Variants in CNTN4 observed in about 807,000 individuals in gnomAD.
CNTN4 encodes contactin-4.
In CNTN4, 77 loss-of-function variants were observed where a neutral mutation model predicts 122.5. The ratio of observed to expected loss-of-function variants is 0.63; its 90% confidence interval spans 0.52 to 0.76. The LOEUF is 0.76. Ranked by LOEUF, CNTN4 falls within the 30% of genes least tolerant of loss-of-function variation. The probability of loss-of-function intolerance (pLI) is 0.00; values close to 1 mark genes in which losing one functional copy is unlikely to be tolerated. For missense variants in CNTN4, 1,256 were observed against 1,259.1 expected (o/e 1.00, Z 0.04); for synonymous variants, 512 against 447.0 (o/e 1.15, Z -1.83).
rs1428915081 is a variant in CNTN4 at position 2,764,576 on chromosome 3, A to G, written c.358+18879A>G. On this transcript the variant is annotated intron_variant, in intron 6 of 24. Transcript: ENST00000418658. ...TGTCCTGCATTTTAGCTCAAGATTT[A>G]CTGAGGCCACTATGCTTAAGCGTGT... is the stretch of plus-strand genomic sequence containing the variant. Among the ~76,000 whole-genome samples, 5 of 152,170 alleles carry G rather than the reference A, an allele frequency of 3.3e-5. No individual in the cohort carries two copies. In the East Asian group the frequency reaches 9.7e-4, roughly 29 times the overall value.
chr3:2,198,099 C>G (rs978204993), intron 2 of CNTN4, among the ~76,000 whole-genome samples: 1 of 151,602 alleles, frequency 6.6e-6, no homozygotes, highest in Non-Finnish European at 1.5e-5. Flanking sequence ...GCAGATATTT[C>G]AGTTTCAGCA....
intron 2 of CNTN4, among the ~76,000 whole-genome samples, chr3:2,338,517 C>T (rs748907747): frequency 1.6e-4 from 24 of 151,800 alleles, no homozygotes; most frequent in Non-Finnish European, 2.7e-4. Flanking sequence ...TGATCTATAG[C>T]AGAAACTTGG....
chr3:2,777,831 T>C (rs1407503804), intron 6 of CNTN4, among the ~76,000 whole-genome samples: 2 of 152,174 alleles, frequency 1.3e-5, no homozygotes, highest in Admixed American at 1.3e-4. Context: ...TTAAAAGATA[T>C]ATTTCTCTTT....
At chr3:2,559,860 A>G (rs550589541) in intron 3 of CNTN4, among the ~76,000 whole-genome samples, 1 of 152,334 alleles carries the variant, frequency 6.6e-6, no homozygotes, top group East Asian at 1.9e-4. Context: ...TAAACCTAGA[A>G]AATGAAGAAG....
intron 3 of CNTN4, among the ~76,000 whole-genome samples, chr3:2,366,616 A>G (rs1225900353): frequency 6.6e-6 from 1 of 151,878 alleles, no homozygotes; most frequent in Non-Finnish European, 1.5e-5. Flanking sequence ...AGTCCCAGCT[A>G]CTCGGGAAAC....
intron 2 of CNTN4, among the ~76,000 whole-genome samples, chr3:2,171,691 T>C (rs1248619457): frequency 6.6e-6 from 1 of 152,224 alleles, no homozygotes; most frequent in Non-Finnish European, 1.5e-5. Context: ...GTACACTCAC[T>C]GTTAGACTCT....
chr3:2,708,720 G>A (rs939928515), intron 4 of CNTN4, among the ~76,000 whole-genome samples: 4 of 138,930 alleles, frequency 2.9e-5, no homozygotes, highest in South Asian at 2.3e-4. Context: ...GCACGCGCAC[G>A]CGCGCATCAC....
At chr3:2,697,383 C>T (rs780097663) in intron 4 of CNTN4, among the ~76,000 whole-genome samples, 7 of 152,126 alleles carry the variant, frequency 4.6e-5, no homozygotes, top group Admixed American at 1.3e-4. Flanking sequence ...TTTTTCTGAG[C>T]ATCCGTCTCT....
At chr3:2,401,184 G>A (rs961594883) in intron 3 of CNTN4, among the ~76,000 whole-genome samples, 2 of 152,084 alleles carry the variant, frequency 1.3e-5, no homozygotes, top group Non-Finnish European at 2.9e-5. Context: ...TCTGAGTTAC[G>A]TTCTTTGGAT....
At chr3:3,001,011 A>G (rs556511914) in intron 14 of CNTN4, among the ~76,000 whole-genome samples, 26 of 152,240 alleles carry the variant, frequency 1.7e-4, no homozygotes, top group Middle Eastern at 3.4e-3. Context: ...GAGTCCAATA[A>G]AAGTATCCGT....
At chr3:2,377,582 G>A (rs2045867715) in intron 3 of CNTN4, among the ~76,000 whole-genome samples, 1 of 152,170 alleles carries the variant, frequency 6.6e-6, no homozygotes, top group South Asian at 2.1e-4. Flanking sequence ...AAAAAACACA[G>A]CTGTGAGAGA....
intron 6 of CNTN4, among the ~76,000 whole-genome samples, chr3:2,773,708 G>A (rs1251413969): frequency 1.3e-5 from 2 of 149,372 alleles, no homozygotes; most frequent in Non-Finnish European, 3.0e-5. Context: ...GGCTTAGGGG[G>A]TTACCAAACT....
At chr3:2,441,055 G>A (rs1293625212) in intron 3 of CNTN4, among the ~76,000 whole-genome samples, 1 of 151,462 alleles carries the variant, frequency 6.6e-6, no homozygotes, top group African/African-American at 2.4e-5. Flanking sequence ...TTGATTAATG[G>A]TTAATTCAGG....
chr3:2,442,543 T>C (rs9820517), intron 3 of CNTN4, among the ~76,000 whole-genome samples: 5,254 of 152,220 alleles, frequency 0.035, 321 homozygotes, highest in African/African-American at 0.11. Context: ...GTTCCTTAAA[T>C]ATTGAACTAT....
intron 7 of CNTN4, among the ~76,000 whole-genome samples, chr3:2,860,124 G>C (rs1030105858): frequency 6.6e-6 from 1 of 152,214 alleles, no homozygotes; most frequent in African/African-American, 2.4e-5. Context: ...CTGGCACAAG[G>C]TTGGATGAGA....
chr3:2,315,884 TC>T (rs34763067), intron 2 of CNTN4, among the ~76,000 whole-genome samples: 1 of 152,112 alleles, frequency 6.6e-6, no homozygotes, highest in South Asian at 2.1e-4. Flanking sequence ...AAGGCAGAAT[TC>T]CTTGAACATA....
rs181241219 is a variant in CNTN4, at chr3:2,729,829, G to A, written c.56-6386G>A. On this transcript the variant is annotated intron_variant, in intron 4 of 24. Coordinates refer to ENST00000418658, the MANE Select transcript of CNTN4 (RefSeq NM_175607.3). ...CTAAGAAGGCTGAGGCAGGAGAATC[G>A]CTTGAACCTGGGAGGCGGAGGTTGC... 1.1e-4 allele frequency among the ~76,000 whole-genome samples: 17 copies of A among 152,186 alleles called. No individual in the cohort carries two copies. The South Asian group carries it at 1.9e-3, about 17-fold the overall frequency.
At chr3:2,284,246 G>A (rs926771642) in intron 2 of CNTN4, among the ~76,000 whole-genome samples, 2 of 151,984 alleles carry the variant, frequency 1.3e-5, no homozygotes, top group Admixed American at 6.6e-5. Flanking sequence ...CAGAAATTGG[G>A]GCAAAAGTTA....
At chr3:2,784,477 C>T (rs188366099) in intron 6 of CNTN4, among the ~76,000 whole-genome samples, 73 of 152,222 alleles carry the variant, frequency 4.8e-4, no homozygotes, top group Non-Finnish European at 8.8e-4. Flanking sequence ...AGGTCTTTGC[C>T]TGAAGTCATA....
Sources: gnomAD v4.1 joint callset for allele counts (sites outside exome capture counted in the v4.1 genomes callset) on GRCh38, gnomAD v4.1.1 for gene constraint, MANE v1.5 for transcripts, NCBI Gene and HGNC (gene_info 2026-07-23, HGNC 2026-07-21) for gene names.